Variants in ESYT1 observed in about 807,000 individuals in gnomAD.
The protein encoded by ESYT1 is extended synaptotagmin 1.
In ESYT1, 116 loss-of-function variants were observed where a neutral mutation model predicts 154.2. The ratio of observed to expected loss-of-function variants is 0.75; its 90% CI spans 0.65 to 0.88. The LOEUF is 0.88. Ranked by LOEUF, ESYT1 falls within the 40% of genes least tolerant of loss-of-function variation. The pLI is 0.00. For synonymous variants in ESYT1, 500 were observed against 539.9 expected (o/e 0.93, Z 1.02); for missense variants, 1,264 against 1,379.3 (o/e 0.92, Z 1.32).
intron 1 of ESYT1, chr12:56,129,481 A>G (rs1171462575): frequency 6.6e-6 from 1 of 152,488 alleles, no homozygotes; most frequent in Non-Finnish European, 1.5e-5. Context: ...CTAGTCTTGC[A>G]GAGGCGAAGC....
intron 29 of ESYT1, 68 bp downstream of exon 29, chr12:56,143,401 G>C: frequency 6.4e-7 from 1 of 1,553,886 alleles, no homozygotes; most frequent in Non-Finnish European, 8.9e-7. Context: ...TATAGTCCCT[G>C]TGAGGAAGGA....
At position 56,131,121 on chromosome 12, in the gene ESYT1, C is replaced by T. The variant is rs1312147436; in HGVS notation, c.641+8C>T. On this transcript the variant is annotated splice_region_variant and intron_variant, in intron 4 of 30. Transcript: ENST00000394048. ...GCTGGACTTGAACATCAGGTAATACCACTCACCACTCTTACTGCTTCCCCT... is the reference window on the plus strand; with the variant it reads ...GCTGGACTTGAACATCAGGTAATACTACTCACCACTCTTACTGCTTCCCCT... 1.9e-6 allele frequency: 3 copies of T among 1,613,888 alleles called. No individual in the cohort carries two copies. The highest frequency in any genetic ancestry group is 2.5e-6 in the Non-Finnish European group (3 of 1,179,934).
Position 56,144,094 on chromosome 12 carries a change from G to A in ESYT1, c.*232G>A, listed in dbSNP as rs1870828176. 7.0e-7 allele frequency: 1 copy of A among 1,419,772 alleles called. No individual in the cohort carries two copies. Among genetic ancestry groups the A allele is most frequent in the East Asian group, 2.6e-5 (1 of 39,208 alleles). 87.9% of individuals were successfully genotyped at this position (1,419,772 alleles called of 1,614,324 possible). ...GGCCCCTGGGGCGGGGACCTGAGCT[G>A]GCTGTTTCCTGCTTTGCCTGCACAT... On this transcript the variant is annotated 3_prime_UTR_variant, in exon 31 of 31. Coordinates refer to ENST00000394048, the MANE Select transcript of ESYT1 (RefSeq NM_015292.3).
intron 1 of ESYT1, 150 bp downstream of exon 1, chr12:56,128,859 C>A: frequency 2.2e-6 from 2 of 929,434 alleles, no homozygotes; most frequent in Non-Finnish European, 3.2e-6. Context: ...CGCCTGCCTG[C>A]TGGACGCGCC....
At chr12:56,140,675 A>G (rs1592249688) in intron 24 of ESYT1, among the ~76,000 whole-genome samples, 1 of 152,170 alleles carries the variant, frequency 6.6e-6, no homozygotes, top group Admixed American at 6.5e-5. Flanking sequence ...GGAAGCCTTT[A>G]ATGAGAGGTC....
chr12:56,142,306 G>C lies in ESYT1; in HGVS notation c.2614G>C (p.Val872Leu), dbSNP rs148075380. ...ELQVRGEGTG[V>L]LGSLSLPLSE... ...ACAGGTTCGGGGTGAGGGCACTGGC[G>C]TGCTGGGCTCATTATCCCTGCCCCT... The change falls in exon 25 of 31, where the codon GTG becomes CTG. Residue 872 changes from valine (V) to leucine (L), a missense_variant. Coordinates refer to ENST00000394048, the MANE Select transcript of ESYT1 (RefSeq NM_015292.3). This position sits in a 1 kb window ranked among gnomAD's most constrained non-coding sequence, Gnocchi z 4.1. 1.7e-5 allele frequency: 27 copies of C among 1,613,998 alleles called. No individual in the cohort carries two copies. The highest frequency in any genetic ancestry group is 2.2e-5 in the Non-Finnish European group (26 of 1,180,034).
chr12:56,136,751 A>G lies in ESYT1; in HGVS notation c.1640A>G (p.Asp547Gly). ...TTCCTCCTGTGCCTGTAGGTGAAGG[A>G]TGATTCCAGGGCCCTGACTTTAGGA... The part of the protein sequence containing the change: ...QSQELDVQVK[D>G]DSRALTLGAL... The change falls in exon 16 of 31, where the codon GAT (aspartate) becomes GGT (glycine). Residue 547 changes from aspartate to glycine, a missense_variant. By Grantham distance (94) the Asp-to-Gly change is moderately conservative (BLOSUM62 -1). Coordinates refer to ENST00000394048, the MANE Select transcript of ESYT1 (RefSeq NM_015292.3). 1.9e-6 allele frequency: 3 copies of G among 1,604,954 alleles called. No homozygotes were observed. The highest frequency in any genetic ancestry group is 2.6e-6 in the Non-Finnish European group (3 of 1,174,592).
chr12:56,128,661 G>A lies in ESYT1; in HGVS notation c.342G>A (p.Gln114=), dbSNP rs754554547. Residue 114 remains glutamine (Q), a synonymous_variant, in exon 1 of 31, where the codon CAG becomes CAA. Coordinates refer to ENST00000394048, the MANE Select transcript of ESYT1 (RefSeq NM_015292.3). ...GGCAGCTACTGGACGACGAGGAGCA[G>A]CTCACTGCGAAAACTCTCTATATGA... ...AARQLLDDEE[Q]LTAKTLYMSH... 1.1e-5 allele frequency: 18 copies of A among 1,614,150 alleles called. No individual in the cohort carries two copies. The highest frequency in any genetic ancestry group is 1.5e-5 in the Non-Finnish European group (18 of 1,180,030).
chr12:56,136,843 C>G lies in ESYT1; in HGVS notation c.1732C>G (p.Leu578Val), dbSNP rs1870478420. ...PELILDQWFQ[L>V]SSSGPNSRLY... is the part of the protein sequence containing the mutation. The stretch of plus-strand genomic sequence containing the variant: ...ACTCATCCTGGACCAGTGGTTCCAG[C>G]TCAGCAGCTCTGGTCCAAACTCCAG... Residue 578 changes from leucine (L) to valine (V), a missense_variant, in exon 16 of 31, where the codon CTC becomes GTC. By Grantham distance (32) the Leu-to-Val change is conservative. Transcript: ENST00000394048. The G allele has an allele frequency of 1.2e-6, 2 of 1,612,504 alleles. No individual in the cohort carries two copies. The highest frequency in any genetic ancestry group is 4.5e-5 in the East Asian group (2 of 44,852).
At chr12:56,143,693 A>G (rs1870808507) in intron 30 of ESYT1, 64 bp downstream of exon 30, 1 of 1,612,358 alleles carries the variant, frequency 6.2e-7, no homozygotes. Flanking sequence ...CAATCACAGG[A>G]AAGGAAAAAA....
Position 56,134,173 on chromosome 12 carries a change from GA to G in ESYT1, c.1538del (p.Glu513GlyfsTer33), listed in dbSNP as rs1317670650. The G allele has an allele frequency of 6.2e-7, 1 of 1,614,156 alleles. No individual in the cohort carries two copies. The highest frequency in any genetic ancestry group is 8.5e-7 in the Non-Finnish European group (1 of 1,180,000). The stretch of plus-strand genomic sequence containing the variant: ...ACTGTCAATTCAGGATGTGACTCAG[GA>G]GAGCAAGGTGAGGGCCAGGACATCA... The part of the protein sequence containing the change: ...VQLSIQDVTQ[E>X]SKAVYSTNCP... On this transcript the variant is annotated frameshift_variant, in exon 14 of 31. Coordinates refer to ENST00000394048, the MANE Select transcript of ESYT1 (RefSeq NM_015292.3). LOFTEE classifies it high-confidence loss of function.
chr12:56,130,917 G>A lies in ESYT1; in HGVS notation c.559G>A (p.Gly187Ser), dbSNP rs1359862571. The A allele has an allele frequency of 5.6e-6, 9 of 1,614,186 alleles. No homozygotes were observed. Among genetic ancestry groups the A allele is most frequent in the Non-Finnish European group, 7.6e-6 (9 of 1,180,034 alleles). Reference sequence around the variant, plus strand: ...ATTTACATTTACACGAGTGGAACTGGGTGAAAAGGTATGTGTGGAGGAGGG... The same window carrying A: ...ATTTACATTTACACGAGTGGAACTGAGTGAAAAGGTATGTGTGGAGGAGGG... ...QTFTFTRVELGEKPLRIIGVK... is the reference protein window; with the variant it reads ...QTFTFTRVELSEKPLRIIGVK... The change falls in exon 3 of 31, where the codon GGT becomes AGT. Residue 187 changes from glycine (G) to serine (S), a missense_variant. Coordinates refer to ENST00000394048, the MANE Select transcript of ESYT1 (RefSeq NM_015292.3).
In ESYT1 at chr12:56,136,870, C is replaced by T. The variant is rs757285850; in HGVS notation, c.1759C>T (p.Leu587Phe). 1 of 1,608,280 alleles carries T rather than the reference C, an allele frequency of 6.2e-7. No homozygotes were observed. Among genetic ancestry groups the T allele is most frequent in the Non-Finnish European group, 8.5e-7 (1 of 1,176,416 alleles). ...CAGCAGCTCTGGTCCAAACTCCAGA[C>T]TCTATATGAAACTAGTCATGAGGGT... Reference protein sequence around the residue: ...QLSSSGPNSRLYMKLVMRILY... With the variant: ...QLSSSGPNSRFYMKLVMRILY... Residue 587 changes from leucine (L) to phenylalanine (F), a missense_variant, in exon 16 of 31, where the codon CTC (leucine) becomes TTC (phenylalanine). Physicochemically the swap from Leu to Phe is conservative, Grantham distance 22. Transcript: ENST00000394048.
chr12:56,139,519 A>G (rs1216411334), intron 24 of ESYT1, among the ~76,000 whole-genome samples: 1 of 152,068 alleles, frequency 6.6e-6, no homozygotes, highest in Non-Finnish European at 1.5e-5. Context: ...TGTGGGGAAG[A>G]AAGGAAGGGT....
At chr12:56,138,691 G>A (rs1180310753) in intron 22 of ESYT1, 77 bp from the exon 23 acceptor site, 1 of 1,442,872 alleles carries the variant, frequency 6.9e-7, no homozygotes, top group Non-Finnish European at 9.8e-7. Context: ...CATGGCTGCT[G>A]GCTGTGGATA....
chr12:56,135,599 A>C (rs1413191019), intron 15 of ESYT1, among the ~76,000 whole-genome samples: 1 of 152,000 alleles, frequency 6.6e-6, no homozygotes, highest in Non-Finnish European at 1.5e-5. Context: ...GAACAAGTAC[A>C]TATGAACTAA....
chr12:56,136,917 A>T (rs1870482501), intron 16 of ESYT1, 24 bp downstream of exon 16: 1 of 1,560,652 alleles, frequency 6.4e-7, no homozygotes. Context: ...GGAGGTACTG[A>T]GGTGTGGGGG....
rs1000068915 is a variant in ESYT1 at position 56,144,518 on chromosome 12, G to A, written c.*656G>A. The A allele has an allele frequency of 9.1e-6, 9 of 985,734 alleles. No homozygotes were observed. Among genetic ancestry groups the A allele is most frequent in the African/African-American group, 5.2e-5 (3 of 57,238 alleles). The allele number at this position is 985,734 out of a possible 1,614,324, so 61.1% of individuals were successfully genotyped here. Reference sequence around the variant, plus strand: ...TCTTGGAGCTCCTAGCTGGTGATACGGAGAGGGCTTTGGAGGACTTGGGAC... The same window carrying A: ...TCTTGGAGCTCCTAGCTGGTGATACAGAGAGGGCTTTGGAGGACTTGGGAC... On this transcript the variant is annotated 3_prime_UTR_variant, in exon 31 of 31. Transcript: ENST00000394048.
chr12:56,141,958 C>T lies in ESYT1; in HGVS notation c.2593-327C>T, dbSNP rs140608577. Among the ~76,000 whole-genome samples, 506 of 151,172 alleles carry T rather than the reference C, an allele frequency of 3.3e-3. 5 individuals carry two copies. Among genetic ancestry groups the T allele is most frequent in the African/African-American group, 0.012 (485 of 41,142 alleles). Reference sequence around the variant, plus strand: ...TACTAAAAATACAAAATTGGCTGGGCGTGGTGGCAGGTGCCTGTAATCCCA... The same window carrying T: ...TACTAAAAATACAAAATTGGCTGGGTGTGGTGGCAGGTGCCTGTAATCCCA... On this transcript the variant is annotated intron_variant, in intron 24 of 30. Coordinates refer to ENST00000394048, the MANE Select transcript of ESYT1 (RefSeq NM_015292.3).
Sources: allele counts gnomAD v4.1 joint callset (sites outside exome capture counted in the v4.1 genomes callset), GRCh38; gene constraint gnomAD v4.1.1; non-coding constraint Gnocchi (gnomAD v3.1); transcripts MANE v1.5; gene names NCBI Gene and HGNC (gene_info 2026-07-23, HGNC 2026-07-21).